Variants in TXNDC5 observed in about 807,000 individuals in gnomAD.
TXNDC5 encodes the protein thioredoxin domain containing 5.
A neutral mutation model predicts 52.6 loss-of-function variants in TXNDC5; 44 were observed. The ratio of observed to expected loss-of-function variants is 0.84; its 90% CI spans 0.66 to 1.08. TXNDC5 has a LOEUF of 1.08. Among genes scored for constraint, TXNDC5 ranks in the 50% least tolerant of loss-of-function variants. The pLI, the probability that TXNDC5 is intolerant of heterozygous loss-of-function variation, is 0.00. For synonymous variants in TXNDC5, 241 were observed against 234.4 expected (o/e 1.03, Z -0.26); for missense variants, 600 against 565.5 (o/e 1.06, Z -0.62).
In TXNDC5 at chr6:7,906,267, G is replaced by A. The variant is rs148245600; in HGVS notation, c.264-1544C>T. ...AAAAAAAGGATTTAAGCCGGGTGTG[G>A]TGGCTCACACCTATAATCCCAGCAC... On this transcript the variant is annotated intron_variant, in intron 1 of 9. Transcript: ENST00000379757. 2.2e-3 allele frequency among the ~76,000 whole-genome samples: 335 copies of A among 152,004 alleles called. 2 individuals are homozygous for A. The highest frequency in any genetic ancestry group is 6.6e-3 in the African/African-American group (272 of 41,472).
chr6:7,905,132 G>A lies in TXNDC5; in HGVS notation c.264-409C>T, dbSNP rs569363223. ...TGGGACACATTCTCTCTGACACTTC[G>A]TCCCTAAACTCCACCTAGCTAAATC... is the stretch of plus-strand genomic sequence containing the variant. On this transcript the variant is annotated intron_variant, in intron 1 of 9. Coordinates refer to ENST00000379757, the MANE Select transcript of TXNDC5 (RefSeq NM_030810.5). Among the ~76,000 whole-genome samples, 216 of 152,144 alleles carry A rather than the reference G, an allele frequency of 1.4e-3. 2 individuals are homozygous for A. Among genetic ancestry groups the A allele is most frequent in the Middle Eastern group, 6.8e-3 (2 of 294 alleles).
intron 7 of TXNDC5, among the ~76,000 whole-genome samples, chr6:7,887,509 C>A (rs1158470346): frequency 6.8e-6 from 1 of 147,916 alleles, no homozygotes. Context: ...CCTCTCCGCG[C>A]TGCACAGCGG....
At position 7,890,964 on chromosome 6, in the gene TXNDC5, C is replaced by T. The variant is rs763866232; in HGVS notation, c.732+657G>A. ...GTTAACCATCATTCAGTCCTAGACA[C>T]GCAGCATTACTTTTGGATACAAATC... On this transcript the variant is annotated intron_variant, in intron 5 of 9. Transcript: ENST00000379757. Among the ~76,000 whole-genome samples the T allele has an allele frequency of 5.3e-5, 8 of 152,130 alleles. No homozygotes were observed. In the South Asian group the frequency reaches 6.2e-4, roughly 12 times the overall value.
rs78472919 is a variant in TXNDC5 at position 7,889,934 on chromosome 6, T to C, written c.733-353A>G. On this transcript the variant is annotated intron_variant, in intron 5 of 9. Transcript: ENST00000379757. ...CATTTGGTGGTGGTGGGAGGGGGGTTAGCCTGGCTGTCGGTGACTGGGACC... is the reference window on the plus strand; with the variant it reads ...CATTTGGTGGTGGTGGGAGGGGGGTCAGCCTGGCTGTCGGTGACTGGGACC... Among the ~76,000 whole-genome samples, 456 of 152,292 alleles carry C rather than the reference T, an allele frequency of 3.0e-3. 2 individuals are homozygous for C. Among genetic ancestry groups the C allele is most frequent in the African/African-American group, 0.01 (430 of 41,564 alleles).
In TXNDC5 at chr6:7,889,555, G is replaced by C. The variant is rs1182910573; in HGVS notation, c.759C>G (p.Leu253=). Residue 253 remains leucine (L), a synonymous_variant, in exon 6 of 10, where the codon CTC becomes CTG. Coordinates refer to ENST00000379757, the MANE Select transcript of TXNDC5 (RefSeq NM_030810.5). The part of the protein sequence containing the change: ...GKVDCTQHYE[L]CSGNQVRGYP... ...AGCCACGAACCTGGTTTCCGGAGCA[G>C]AGTTCATAGTGCTGTGTACAATCAA... The C allele has an allele frequency of 6.2e-7, 1 of 1,613,716 alleles. No homozygotes were observed. Among genetic ancestry groups the C allele is most frequent in the Admixed American group, 1.7e-5 (1 of 60,020 alleles).
At position 7,889,563 on chromosome 6, in the gene TXNDC5, A is replaced by C; in HGVS notation, c.751T>G (p.Tyr251Asp). The change falls in exon 6 of 10, where the codon TAT becomes GAT. Residue 251 changes from tyrosine (Y) to aspartate (D), a missense_variant. Physicochemically the swap from Tyr to Asp is radical, Grantham distance 160 (BLOSUM62 -3). Transcript: ENST00000379757. ...ACCTGGTTTCCGGAGCAGAGTTCAT[A>C]GTGCTGTGTACAATCAACCTGAGAA... ...KIGKVDCTQHYELCSGNQVRG... is the reference protein window; with the variant it reads ...KIGKVDCTQHDELCSGNQVRG... 2.5e-6 allele frequency: 4 copies of C among 1,613,316 alleles called. No individual in the cohort carries two copies. The highest frequency in any genetic ancestry group is 3.4e-6 in the Non-Finnish European group (4 of 1,179,270).
At chr6:7,899,510 C>T in intron 3 of TXNDC5, 66 bp downstream of exon 3, 5 of 1,254,786 alleles carry the variant, frequency 4.0e-6, no homozygotes, top group East Asian at 2.4e-5. Flanking sequence ...TTACATATTA[C>T]CCCAAAGATG....
intron 7 of TXNDC5, among the ~76,000 whole-genome samples, chr6:7,888,054 C>A (rs1222051958): frequency 1.3e-5 from 2 of 152,226 alleles, no homozygotes; most frequent in Non-Finnish European, 2.9e-5. Flanking sequence ...GCCTCAGAGA[C>A]CTGTATGCTT....
intron 9 of TXNDC5, among the ~76,000 whole-genome samples, chr6:7,883,726 AAAC>A (rs1352714216): frequency 2.6e-5 from 4 of 152,188 alleles, no homozygotes; most frequent in East Asian, 3.8e-4. Context: ...AGGGCACAAA[AAAC>A]AACTGGTATC....
chr6:7,889,643 G>C, intron 5 of TXNDC5, 62 bp from the exon 6 acceptor site: 5 of 1,274,376 alleles, frequency 3.9e-6, no homozygotes, highest in Non-Finnish European at 5.7e-6. Flanking sequence ...TGCTAATGGG[G>C]CTACTGGACA....
intron 2 of TXNDC5, among the ~76,000 whole-genome samples, chr6:7,902,256 G>A (rs956922116): frequency 1.2e-4 from 19 of 152,138 alleles, no homozygotes; most frequent in Non-Finnish European, 2.9e-5. Flanking sequence ...CTGGCCACCC[G>A]GTTTGTGGAA....
At chr6:7,909,833 A>G (rs1760854835) in intron 1 of TXNDC5, 2 of 985,872 alleles carry the variant, frequency 2.0e-6, no homozygotes, top group African/African-American at 3.5e-5. Context: ...TCTATTTTTC[A>G]GTTAAAGCCT....
rs112362714 is a variant in TXNDC5, at chr6:7,905,036, C to T, written c.264-313G>A. Among the ~76,000 whole-genome samples, 1,430 of 152,316 alleles carry T rather than the reference C, an allele frequency of 9.4e-3. 22 individuals are homozygous for T. The highest frequency in any genetic ancestry group is 0.032 in the African/African-American group (1,330 of 41,552). On this transcript the variant is annotated intron_variant, in intron 1 of 9. Transcript: ENST00000379757. ...CTATCCCAGAGTCCACCCTCCTTCC[C>T]TTGTGGCCTACTCCTGAGCCCTACT...
intron 8 of TXNDC5, among the ~76,000 whole-genome samples, chr6:7,885,457 C>T (rs1366368283): frequency 6.6e-6 from 1 of 152,156 alleles, no homozygotes; most frequent in East Asian, 1.9e-4. Flanking sequence ...GCTCTGGTCT[C>T]CAAGACCACG....
chr6:7,888,500 G>A (rs80340659), intron 7 of TXNDC5, among the ~76,000 whole-genome samples: 3,717 of 152,330 alleles, frequency 0.024, 63 homozygotes, highest in Non-Finnish European at 0.039. Context: ...CAAAAGGAAA[G>A]CTTTTGTTTG....
At chr6:7,891,871 G>C (rs961894924) in intron 4 of TXNDC5, 135 bp from the exon 5 acceptor site, 2 of 582,990 alleles carry the variant, frequency 3.4e-6, no homozygotes, top group Non-Finnish European at 3.0e-6. Flanking sequence ...CACTTTAATT[G>C]GTACAAAGGG....
rs866550615 is a variant in TXNDC5 at position 7,899,661 on chromosome 6, C to A, written c.434G>T (p.Gly145Val). 6.2e-7 allele frequency: 1 copy of A among 1,613,968 alleles called. No individual in the cohort carries two copies. Among genetic ancestry groups the A allele is most frequent in the Non-Finnish European group, 8.5e-7 (1 of 1,179,950 alleles). The change falls in exon 3 of 10, where the codon GGC (glycine) becomes GTC (valine). Residue 145 changes from glycine to valine, a missense_variant. By Grantham distance (109) the Gly-to-Val change is moderately radical (BLOSUM62 -3). Transcript: ENST00000379757. ...ACCCTGGTACTTCACAGCTTCTTGG[C>A]CTGGCTTGAAAAGCTTTAAGCTGAA... ...GYPTLKLFKP[G>V]QEAVKYQGPR... is the part of the protein sequence containing the mutation.
At position 7,910,752 on chromosome 6, in the gene TXNDC5, G is replaced by C; in HGVS notation, c.25C>G (p.Leu9Val). ...GCCGCCGGCCGGGCCAGCAGCGGGA[G>C]GAGGCGTCCTGGGCGCGCGGGCATC... MPARPGRL[L>V]PLLARPAALT... Residue 9 changes from leucine (L) to valine (V), a missense_variant, in exon 1 of 10, where the codon CTC becomes GTC. Physicochemically the swap from Leu to Val is conservative, Grantham distance 32. Transcript: ENST00000379757. The C allele has an allele frequency of 9.9e-7, 1 of 1,005,876 alleles. No individual in the cohort carries two copies. Among genetic ancestry groups the C allele is most frequent in the Non-Finnish European group, 1.2e-6 (1 of 846,298 alleles). 62.3% of individuals were successfully genotyped at this position (1,005,876 alleles called of 1,614,324 possible).
chr6:7,891,554 G>T, intron 5 of TXNDC5, 67 bp downstream of exon 5: 2 of 1,298,564 alleles, frequency 1.5e-6, no homozygotes, highest in Non-Finnish European at 2.2e-6. Flanking sequence ...AATGAATAAT[G>T]GGCCACTCTG....
Sources: gnomAD v4.1 joint callset for allele counts (sites outside exome capture counted in the v4.1 genomes callset) on GRCh38, gnomAD v4.1.1 for gene constraint, MANE v1.5 for transcripts, NCBI Gene and HGNC (gene_info 2026-07-23, HGNC 2026-07-21) for gene names.